SYT14: variants seen among roughly 807,000 people sequenced by gnomAD.
SYT14 encodes the protein synaptotagmin-14.
In SYT14, 32 loss-of-function variants were observed where a neutral mutation model predicts 74.2. The observed-to-expected ratio is 0.43, with a 90% CI of 0.33 to 0.58. SYT14 has a LOEUF of 0.58. Among genes scored for constraint, SYT14 ranks in the 20% least tolerant of loss-of-function variants. The pLI is 0.05. For synonymous variants in SYT14, 298 were observed against 337.7 expected (o/e 0.88, Z 1.29); for missense variants, 791 against 981.8 (o/e 0.81, Z 2.60).
intron 5 of SYT14, among the ~76,000 whole-genome samples, chr1:210,042,878 A>G (rs1203055011): frequency 2.0e-5 from 3 of 152,184 alleles, no homozygotes; most frequent in African/African-American, 7.2e-5. Context: ...AGTTTTTTCT[A>G]ATTCTGTGAA....
chr1:210,053,684 T>C (rs2081044423), intron 5 of SYT14, among the ~76,000 whole-genome samples: 1 of 152,218 alleles, frequency 6.6e-6, no homozygotes, highest in Admixed American at 6.5e-5. Flanking sequence ...ATTGTGTCTA[T>C]AGTTTGAGTG....
intron 5 of SYT14, among the ~76,000 whole-genome samples, chr1:210,042,829 C>A (rs1293104980): frequency 2.0e-5 from 3 of 152,146 alleles, no homozygotes. Context: ...ATTGTCTTGG[C>A]TATACAGGCT....
exon 6 of SYT14, chr1:210,094,581 C>T (rs372886209): frequency 1.2e-6 from 2 of 1,613,688 alleles, no homozygotes; most frequent in Non-Finnish European, 8.5e-7. Context: ...GCACTGCAGT[C>T]CTGAGCCCTG....
chr1:210,170,253 C>T (rs2083510458), exon 10 of SYT14: 1 of 152,080 alleles, frequency 6.6e-6, no homozygotes, highest in Non-Finnish European at 1.5e-5. Context: ...GTATTATTGT[C>T]ACATTTATTT....
intron 5 of SYT14, among the ~76,000 whole-genome samples, chr1:210,063,801 TC>T (rs2081248440): frequency 7.2e-6 from 1 of 138,126 alleles, no homozygotes; most frequent in African/African-American, 3.6e-5. Context: ...TCTCCATGAT[TC>T]ACATTCTTCC....
At chr1:209,980,021 A>C (rs1646935643) in intron 2 of SYT14, among the ~76,000 whole-genome samples, 1 of 152,230 alleles carries the variant, frequency 6.6e-6, no homozygotes, top group Non-Finnish European at 1.5e-5. Context: ...TAGGTTTTTG[A>C]AGAATCACCA....
exon 7 of SYT14, chr1:210,100,310 T>A: frequency 6.2e-7 from 1 of 1,614,126 alleles, no homozygotes; most frequent in Non-Finnish European, 8.5e-7. Context: ...TCTGAGATGA[T>A]TGGAAATTAT....
At chr1:210,051,788 C>A (rs1193964239) in intron 5 of SYT14, among the ~76,000 whole-genome samples, 2 of 152,106 alleles carry the variant, frequency 1.3e-5, no homozygotes, top group African/African-American at 4.8e-5. Context: ...TTATATTCAG[C>A]CAGTATCCCA....
chr1:209,991,833 A>G (rs917956876), intron 2 of SYT14, among the ~76,000 whole-genome samples: 117 of 144,748 alleles, frequency 8.1e-4, no homozygotes, highest in Admixed American at 7.1e-3. Context: ...CCGTCTCGAG[A>G]AAAAAAAAAA....
chr1:210,056,837 ATTAT>A (rs148786795), intron 5 of SYT14, among the ~76,000 whole-genome samples: 6 of 148,328 alleles, frequency 4.0e-5, no homozygotes, highest in Non-Finnish European at 5.9e-5. Context: ...TGTTACTATT[ATTAT>A]TTATTTATTT....
intron 2 of SYT14, among the ~76,000 whole-genome samples, chr1:209,958,386 A>G (rs868180768): frequency 3.3e-5 from 5 of 152,142 alleles, no homozygotes; most frequent in South Asian, 2.1e-4. Context: ...GATTTTCCAT[A>G]TAAAGTTCAG....
chr1:210,138,236 A>G (rs1312015993), intron 7 of SYT14, among the ~76,000 whole-genome samples: 2 of 152,338 alleles, frequency 1.3e-5, no homozygotes, highest in Middle Eastern at 3.4e-3. Context: ...CACATCTTAC[A>G]TGGCGACAGG....
intron 5 of SYT14, among the ~76,000 whole-genome samples, chr1:210,045,843 A>G (rs2080874376): frequency 6.6e-6 from 1 of 152,166 alleles, no homozygotes; most frequent in Non-Finnish European, 1.5e-5. Context: ...TAGAACTTCT[A>G]AATCTTCAGG....
intron 7 of SYT14, among the ~76,000 whole-genome samples, chr1:210,131,437 T>A (rs2082671546): frequency 6.6e-6 from 1 of 152,100 alleles, no homozygotes; most frequent in Non-Finnish European, 1.5e-5. Context: ...AAAGTCTTAA[T>A]TGCACAGTAG....
chr1:210,152,997 T>G (rs918504974), intron 7 of SYT14, among the ~76,000 whole-genome samples: 3 of 152,338 alleles, frequency 2.0e-5, no homozygotes, highest in Non-Finnish European at 4.4e-5. Flanking sequence ...TGCTGTATAG[T>G]ATGCCATTGT....
At chr1:210,085,088 A>G (rs1215474739) in intron 5 of SYT14, among the ~76,000 whole-genome samples, 1 of 152,216 alleles carries the variant, frequency 6.6e-6, no homozygotes, top group African/African-American at 2.4e-5. Flanking sequence ...TATAAACCCA[A>G]GAACTGGAAA....
intron 5 of SYT14, among the ~76,000 whole-genome samples, chr1:210,040,525 A>G (rs1470307915): frequency 6.6e-6 from 1 of 152,140 alleles, no homozygotes; most frequent in Admixed American, 6.6e-5. Context: ...TAAAAAAAAA[A>G]AAGAAACCAA....
intron 5 of SYT14, among the ~76,000 whole-genome samples, chr1:210,055,779 TA>T (rs879751075): frequency 3.6e-3 from 503 of 139,842 alleles, no homozygotes; most frequent in Non-Finnish European, 3.8e-3. Flanking sequence ...AACTCGAAAT[TA>T]AAAAAAAAAA....
intron 5 of SYT14, among the ~76,000 whole-genome samples, chr1:210,031,779 C>T (rs2080541483): frequency 6.6e-6 from 1 of 151,878 alleles, no homozygotes. Flanking sequence ...AGGTTGTTTT[C>T]TTGTTATAGC....
Sources: allele counts gnomAD v4.1 joint callset (sites outside exome capture counted in the v4.1 genomes callset), GRCh38; gene constraint gnomAD v4.1.1; transcripts MANE v1.5; gene names NCBI Gene and HGNC (gene_info 2026-07-23, HGNC 2026-07-21).